CNTN4: variants seen among roughly 807,000 people sequenced by gnomAD.
CNTN4 encodes contactin-4.
Under a neutral mutation model 122.5 loss-of-function variants are expected in CNTN4, and 77 were observed. That is an observed-to-expected ratio of 0.63 (90% CI 0.52 to 0.76). The LOEUF is 0.76. Among genes scored for constraint, CNTN4 ranks in the 30% least tolerant of loss-of-function variants. The probability of loss-of-function intolerance (pLI) is 0.00; values close to 1 mark genes in which losing one functional copy is unlikely to be tolerated. For synonymous variants in CNTN4, 512 were observed against 447.0 expected (o/e 1.15, Z -1.83); for missense variants, 1,256 against 1,259.1 (o/e 1.00, Z 0.04).
At chr3:2,732,798 T>C (rs564051345) in intron 4 of CNTN4, among the ~76,000 whole-genome samples, 24 of 152,318 alleles carry the variant, frequency 1.6e-4, no homozygotes, top group Admixed American at 1.5e-3. Context: ...TTTAATACCT[T>C]GATAGCTAAA....
intron 2 of CNTN4, among the ~76,000 whole-genome samples, chr3:2,174,190 CTT>C (rs954651317): frequency 9.2e-5 from 14 of 152,108 alleles, no homozygotes; most frequent in Non-Finnish European, 2.1e-4. Context: ...CACTTGCTGT[CTT>C]TTCCGTGGAA....
At chr3:2,966,768 T>A (rs1227061620) in intron 13 of CNTN4, among the ~76,000 whole-genome samples, 1 of 152,216 alleles carries the variant, frequency 6.6e-6, no homozygotes, top group African/African-American at 2.4e-5. Flanking sequence ...GTACCCATAG[T>A]AATTAAATAT....
chr3:2,525,803 G>A (rs529373113), intron 3 of CNTN4, among the ~76,000 whole-genome samples: 1 of 152,116 alleles, frequency 6.6e-6, no homozygotes, highest in African/African-American at 2.4e-5. Context: ...TGAAGGAAAT[G>A]GTTGATTAAA....
chr3:3,043,941 A>G (rs2125803527), intron 23 of CNTN4, among the ~76,000 whole-genome samples: 1 of 152,334 alleles, frequency 6.6e-6, no homozygotes, highest in Admixed American at 6.5e-5. Flanking sequence ...AGAAATGGAT[A>G]AAGACCCTGT....
At chr3:2,764,657 A>G (rs765932354) in intron 6 of CNTN4, among the ~76,000 whole-genome samples, 5 of 152,240 alleles carry the variant, frequency 3.3e-5, no homozygotes, top group Non-Finnish European at 5.9e-5. Flanking sequence ...AAGCATGCTC[A>G]GTGTCTTGAA....
At chr3:2,455,429 G>C (rs1377108728) in intron 3 of CNTN4, among the ~76,000 whole-genome samples, 1 of 152,096 alleles carries the variant, frequency 6.6e-6, no homozygotes, top group African/African-American at 2.4e-5. Flanking sequence ...AAAAAGAAGA[G>C]AGTTAGAAAA....
At chr3:2,401,289 G>A (rs955585505) in intron 3 of CNTN4, among the ~76,000 whole-genome samples, 1 of 152,076 alleles carries the variant, frequency 6.6e-6, no homozygotes, top group Non-Finnish European at 1.5e-5. Context: ...GAGCCTGCTA[G>A]GGAAGGAGTC....
intron 2 of CNTN4, among the ~76,000 whole-genome samples, chr3:2,232,561 T>C (rs2039527342): frequency 6.6e-6 from 1 of 152,286 alleles, no homozygotes; most frequent in South Asian, 2.1e-4. Context: ...GTCTAAAAAC[T>C]ATATAGCTAA....
chr3:2,812,007 G>A (rs1019479108), intron 6 of CNTN4, among the ~76,000 whole-genome samples: 7 of 152,020 alleles, frequency 4.6e-5, no homozygotes, highest in Non-Finnish European at 2.9e-5. Flanking sequence ...AGGTAAGGCC[G>A]TTATCCTCAG....
rs142299055 is a variant in CNTN4 at position 2,156,305 on chromosome 3, C to T, written c.-145+55666C>T. ...TGGAAGCCCAAGTGCTGGGCGTCTT[C>T]GATGAGCTTAGCATTCAGAAGAGAA... On this transcript the variant is annotated intron_variant, in intron 2 of 24. Transcript: ENST00000418658. Among the ~76,000 whole-genome samples the T allele has an allele frequency of 2.9e-3, 437 of 152,268 alleles. 4 individuals are homozygous for T. Among genetic ancestry groups the T allele is most frequent in the African/African-American group, 9.9e-3 (413 of 41,562 alleles).
At chr3:2,685,210 A>C (rs1490304230) in intron 4 of CNTN4, among the ~76,000 whole-genome samples, 3 of 152,170 alleles carry the variant, frequency 2.0e-5, no homozygotes, top group Non-Finnish European at 1.5e-5. Flanking sequence ...TAAAAAGGCA[A>C]GGTAACTTTT....
intron 2 of CNTN4, among the ~76,000 whole-genome samples, chr3:2,306,976 A>C (rs2042732439): frequency 6.6e-6 from 1 of 152,202 alleles, no homozygotes; most frequent in South Asian, 2.1e-4. Context: ...GTATCCTAGA[A>C]TTTTGCTTGA....
Position 2,683,814 on chromosome 3 carries a change from G to A in CNTN4, c.56-52401G>A, listed in dbSNP as rs555941262. Among the ~76,000 whole-genome samples, 200 of 152,106 alleles carry A rather than the reference G, an allele frequency of 1.3e-3. 2 individuals carry two copies. Among genetic ancestry groups the A allele is most frequent in the South Asian group, 0.012 (57 of 4,816 alleles). On this transcript the variant is annotated intron_variant, in intron 4 of 24. Coordinates refer to ENST00000418658, the MANE Select transcript of CNTN4 (RefSeq NM_175607.3). ...TCAGGTAGTGGTTATTTCTTAAAAC[G>A]TCCTTTTATCACCACCTGCCATAGA...
chr3:2,344,259 A>T (rs575743771), intron 3 of CNTN4, among the ~76,000 whole-genome samples: 27 of 151,596 alleles, frequency 1.8e-4, no homozygotes, highest in Middle Eastern at 3.4e-3. Context: ...CTGACTGCCA[A>T]GGCCAAAGGC....
chr3:2,561,970 T>A (rs1269422942), intron 3 of CNTN4, among the ~76,000 whole-genome samples: 3 of 152,058 alleles, frequency 2.0e-5, no homozygotes, highest in Admixed American at 2.0e-4. Flanking sequence ...GGAGTGGAGG[T>A]GCCATGTATT....
intron 2 of CNTN4, among the ~76,000 whole-genome samples, chr3:2,324,548 C>G (rs1575375774): frequency 6.6e-6 from 1 of 152,096 alleles, no homozygotes; most frequent in African/African-American, 2.4e-5. Flanking sequence ...TTCTATAAAT[C>G]CAGAGATTTG....
At chr3:2,598,228 G>T (rs1421762137) in intron 4 of CNTN4, among the ~76,000 whole-genome samples, 1 of 152,164 alleles carries the variant, frequency 6.6e-6, no homozygotes, top group East Asian at 1.9e-4. Flanking sequence ...GAACAACCTC[G>T]TTAGTCCTAT....
rs138763499 is a variant in CNTN4 at position 2,169,483 on chromosome 3, T to G, written c.-145+68844T>G. Among the ~76,000 whole-genome samples the G allele has an allele frequency of 9.8e-3, 1,493 of 152,052 alleles. 25 individuals are homozygous for G. Among genetic ancestry groups the G allele is most frequent in the African/African-American group, 0.035 (1,431 of 41,478 alleles). On this transcript the variant is annotated intron_variant, in intron 2 of 24. Coordinates refer to ENST00000418658, the MANE Select transcript of CNTN4 (RefSeq NM_175607.3). Reference sequence around the variant, plus strand: ...GTGCGGTGGCGCGATCTCGGCTCACTGCAAGCTCCGCCTCCCGGGTTCCCG... The same window carrying G: ...GTGCGGTGGCGCGATCTCGGCTCACGGCAAGCTCCGCCTCCCGGGTTCCCG...
intron 4 of CNTN4, among the ~76,000 whole-genome samples, chr3:2,722,886 A>C (rs1189510200): frequency 6.6e-6 from 1 of 152,218 alleles, no homozygotes; most frequent in Admixed American, 6.5e-5. Flanking sequence ...TCTGTACATC[A>C]ATATGCTGCT....
Sources: gnomAD v4.1 joint callset for allele counts (sites outside exome capture counted in the v4.1 genomes callset) on GRCh38, gnomAD v4.1.1 for gene constraint, MANE v1.5 for transcripts, NCBI Gene and HGNC (gene_info 2026-07-23, HGNC 2026-07-21) for gene names.